The following MSRB3 variants were observed in gnomAD, a reference collection of about 807,000 sequenced individuals.
The protein encoded by MSRB3 is methionine sulfoxide reductase B3, also known as methionine-R-sulfoxide reductase B3.
MSRB3 carries 13 observed loss-of-function variants against 21.0 expected under a neutral mutation model. The observed-to-expected ratio is 0.62, with a 90% CI of 0.40 to 0.98. MSRB3 has a LOEUF of 0.98. MSRB3 is among the 50% of genes least tolerant of loss of function. The pLI, the probability that MSRB3 is intolerant of heterozygous loss-of-function variation, is 0.00. For missense variants in MSRB3, 199 were observed against 230.3 expected (o/e 0.86, Z 0.88); for synonymous variants, 87 against 88.6 (o/e 0.98, Z 0.10).
At chr12:65,402,529 G>T (rs529496887) in intron 5 of MSRB3, among the ~76,000 whole-genome samples, 3 of 152,228 alleles carry the variant, frequency 2.0e-5, no homozygotes, top group African/African-American at 7.2e-5. Context: ...TTTCTTCAAG[G>T]TTCTTAGCTT....
intron 4 of MSRB3, among the ~76,000 whole-genome samples, chr12:65,333,724 G>A (rs17824678): frequency 0.014 from 2,110 of 152,284 alleles, 42 homozygotes; most frequent in East Asian, 0.056. Flanking sequence ...CTGCTCCATA[G>A]CACTTTGAAT....
At chr12:65,428,729 C>T (rs1307403363) in intron 5 of MSRB3, among the ~76,000 whole-genome samples, 1 of 151,684 alleles carries the variant, frequency 6.6e-6, no homozygotes, top group African/African-American at 2.4e-5. Context: ...CTTTCATGAC[C>T]TAGACCTTTC....
In MSRB3 at chr12:65,308,647, T is replaced by A; in HGVS notation, c.68T>A (p.Leu23His). 1 of 1,613,968 alleles carries A rather than the reference T, an allele frequency of 6.2e-7. No individual in the cohort carries two copies. Among genetic ancestry groups the A allele is most frequent in the Non-Finnish European group, 8.5e-7 (1 of 1,179,876 alleles). Residue 23 changes from leucine (L) to histidine (H), a missense_variant, in exon 2 of 7, where the codon CTT becomes CAT. Physicochemically the swap from Leu to His is moderately conservative, Grantham distance 99. Coordinates refer to ENST00000308259, the MANE Select transcript of MSRB3 (RefSeq NM_001031679.3). The part of the protein sequence containing the change: ...SQPVALRACG[L>H]PSGSCRDKKN... ...CCAGTAGCCCTTCGAGCCTGTGGGC[T>A]TCCCTCAGGTTGCTGCTTGTTGTAC...
In MSRB3 at chr12:65,420,522, A is replaced by T. The variant is rs1032045678; in HGVS notation, c.293-33206A>T. Among the ~76,000 whole-genome samples, 9 of 152,110 alleles carry T rather than the reference A, an allele frequency of 5.9e-5. No individual in the cohort carries two copies. In the East Asian group the frequency reaches 1.7e-3, roughly 29 times the overall value. ...TTGGGGGTACACTTGAAGGTTTGTT[A>T]TATAGGTAAACTCATGTCACAGGGG... is the stretch of plus-strand genomic sequence containing the variant. On this transcript the variant is annotated intron_variant, in intron 5 of 6. Coordinates refer to ENST00000308259, the MANE Select transcript of MSRB3 (RefSeq NM_001031679.3).
chr12:65,413,899 G>T (rs1880841017), intron 5 of MSRB3, among the ~76,000 whole-genome samples: 1 of 152,132 alleles, frequency 6.6e-6, no homozygotes, highest in Admixed American at 6.5e-5. Flanking sequence ...GCAAACATAT[G>T]CAGAAGAAAG....
chr12:65,301,116 A>G (rs1306917353), intron 1 of MSRB3, among the ~76,000 whole-genome samples: 2 of 152,180 alleles, frequency 1.3e-5, no homozygotes, highest in Admixed American at 1.3e-4. Flanking sequence ...AGACACACAC[A>G]TACACATACA....
At chr12:65,418,355 C>T (rs747416733) in intron 5 of MSRB3, among the ~76,000 whole-genome samples, 1 of 152,128 alleles carries the variant, frequency 6.6e-6, no homozygotes, top group Non-Finnish European at 1.5e-5. Flanking sequence ...TATTTGTTAT[C>T]TTATTATTGA....
intron 5 of MSRB3, among the ~76,000 whole-genome samples, chr12:65,430,358 C>A (rs553914823): frequency 1.3e-5 from 2 of 152,106 alleles, no homozygotes; most frequent in South Asian, 4.1e-4. Context: ...GAGTAATTTG[C>A]AATCTAACAC....
intron 5 of MSRB3, among the ~76,000 whole-genome samples, chr12:65,433,975 T>A (rs1882003792): frequency 6.6e-6 from 1 of 151,900 alleles, no homozygotes; most frequent in Non-Finnish European, 1.5e-5. Context: ...TCTTTTGAAA[T>A]CCTCAGTGGT....
intron 1 of MSRB3, among the ~76,000 whole-genome samples, chr12:65,288,380 A>G (rs1872509583): frequency 6.6e-6 from 1 of 152,034 alleles, no homozygotes; most frequent in African/African-American, 2.4e-5. Context: ...TTTTTAATGG[A>G]AAAATATAGT....
rs145853973 is a variant in MSRB3, at chr12:65,391,249, G to A, written c.292+22223G>A. ...AAGGGAACCAATCATCTCAAGCTAA[G>A]AGGAGGTAGGTTCACATCAATAATG... is the stretch of plus-strand genomic sequence containing the variant. On this transcript the variant is annotated intron_variant, in intron 5 of 6. Coordinates refer to ENST00000308259, the MANE Select transcript of MSRB3 (RefSeq NM_001031679.3). Among the ~76,000 whole-genome samples, 14 of 152,308 alleles carry A rather than the reference G, an allele frequency of 9.2e-5. No individual in the cohort carries two copies. In the East Asian group the frequency reaches 2.7e-3, roughly 29 times the overall value.
rs1373321657 is a variant in MSRB3 at position 65,464,483 on chromosome 12, A to C, written c.*1161A>C. 3 of 152,312 alleles carry C rather than the reference A, an allele frequency of 2.0e-5. No homozygotes were observed. The highest frequency in any genetic ancestry group is 4.4e-5 in the Non-Finnish European group (3 of 68,162). 9.4% of individuals were successfully genotyped at this position (152,312 alleles called of 1,614,324 possible). ...GAAAAAGAAAGCAGCATTCAAATGT[A>C]AGACAACTGTAAAATATTGAGCCCC... On this transcript the variant is annotated 3_prime_UTR_variant, in exon 7 of 7. Coordinates refer to ENST00000308259, the MANE Select transcript of MSRB3 (RefSeq NM_001031679.3).
intron 6 of MSRB3, among the ~76,000 whole-genome samples, chr12:65,459,378 GATA>G (rs1883222086): frequency 6.6e-6 from 1 of 152,136 alleles, no homozygotes; most frequent in Non-Finnish European, 1.5e-5. Context: ...GATGATTAAA[GATA>G]CACATGTGTT....
chr12:65,456,188 AT>A (rs1232502862), intron 6 of MSRB3, among the ~76,000 whole-genome samples: 4 of 152,104 alleles, frequency 2.6e-5, no homozygotes, highest in Non-Finnish European at 5.9e-5. Context: ...TGTTTCTTTT[AT>A]TTTCTTTTTC....
chr12:65,338,400 A>T (rs1875923026), intron 4 of MSRB3, among the ~76,000 whole-genome samples: 1 of 152,176 alleles, frequency 6.6e-6, no homozygotes, highest in Non-Finnish European at 1.5e-5. Flanking sequence ...AATATTTATT[A>T]TCTTTGTTTT....
chr12:65,429,821 A>C (rs1233241953), intron 5 of MSRB3, among the ~76,000 whole-genome samples: 2 of 152,200 alleles, frequency 1.3e-5, no homozygotes, highest in African/African-American at 4.8e-5. Flanking sequence ...CTGGATATGC[A>C]CAGTTCATAC....
In MSRB3 at chr12:65,364,566, C is replaced by A. The variant is rs558349422; in HGVS notation, c.264-4432C>A. ...AGCATAGTATACTACTAAAAATAAA[C>A]ACGTAAAAATATGTTTGGAATGAAT... On this transcript the variant is annotated intron_variant, in intron 4 of 6. Coordinates refer to ENST00000308259, the MANE Select transcript of MSRB3 (RefSeq NM_001031679.3). Among the ~76,000 whole-genome samples, 34 of 152,208 alleles carry A rather than the reference C, an allele frequency of 2.2e-4. No individual in the cohort carries two copies. In the East Asian group the frequency reaches 6.6e-3, roughly 29 times the overall value.
intron 2 of MSRB3, among the ~76,000 whole-genome samples, chr12:65,317,174 TC>T (rs1361613329): frequency 6.6e-6 from 1 of 152,158 alleles, no homozygotes; most frequent in East Asian, 1.9e-4. Flanking sequence ...ATTCATCATT[TC>T]CCAAATTATA....
In MSRB3 at chr12:65,322,539, C is replaced by T. The variant is rs529675523; in HGVS notation, c.77-4287C>T. On this transcript the variant is annotated intron_variant, in intron 2 of 6. Coordinates refer to ENST00000308259, the MANE Select transcript of MSRB3 (RefSeq NM_001031679.3). ...GTGTGGTGGTGGGCGTCTGTAATCC[C>T]AGCCACTCTGGAGGCTGAGGCTGAG... Among the ~76,000 whole-genome samples, 3 of 151,638 alleles carry T rather than the reference C, an allele frequency of 2.0e-5. No homozygotes were observed. In the South Asian group the frequency reaches 6.3e-4, roughly 32 times the overall value.
Sources: allele counts gnomAD v4.1 joint callset (sites outside exome capture counted in the v4.1 genomes callset), GRCh38; gene constraint gnomAD v4.1.1; transcripts MANE v1.5; gene names NCBI Gene and HGNC (gene_info 2026-07-23, HGNC 2026-07-21).